The following EPHA7 variants were observed in gnomAD, a reference collection of about 807,000 sequenced individuals.
EPHA7 encodes ephrin type-A receptor 7.
EPHA7 carries 25 observed loss-of-function variants against 112.6 expected under a neutral mutation model. The ratio of observed to expected loss-of-function variants is 0.22; its 90% CI spans 0.16 to 0.31. The LOEUF is 0.31. Among genes scored for constraint, EPHA7 ranks in the 10% least tolerant of loss-of-function variants. EPHA7 has a pLI of 1.00. For missense variants in EPHA7, 962 were observed against 1,212.6 expected, an observed-to-expected ratio of 0.79 and a Z score of 3.07; for synonymous variants, 437 against 406.5, an observed-to-expected ratio of 1.07 and a Z score of -0.90.
intron 3 of EPHA7, among the ~76,000 whole-genome samples, chr6:93,361,889 C>G (rs569326414): frequency 6.6e-6 from 1 of 151,900 alleles, no homozygotes; most frequent in African/African-American, 2.4e-5. Flanking sequence ...AGTGACATTA[C>G]AAAATATAGC....
At chr6:93,246,408 A>T (rs1769952992) in intron 15 of EPHA7, among the ~76,000 whole-genome samples, 1 of 152,168 alleles carries the variant, frequency 6.6e-6, no homozygotes, top group Non-Finnish European at 1.5e-5. Context: ...CTTGAAGCAA[A>T]ACAGTTAAAT....
chr6:93,301,883 T>C (rs1772994985), intron 5 of EPHA7, among the ~76,000 whole-genome samples: 1 of 152,170 alleles, frequency 6.6e-6, no homozygotes. Flanking sequence ...TCTGCACCCA[T>C]AACAGTATAA....
intron 1 of EPHA7, among the ~76,000 whole-genome samples, chr6:93,416,923 C>T (rs1779263431): frequency 6.6e-6 from 1 of 152,098 alleles, no homozygotes; most frequent in African/African-American, 2.4e-5. Context: ...GCGCGCCAGC[C>T]GCGCCAAGCA....
rs141899845 is a variant in EPHA7, at chr6:93,416,617, G to T, written c.98-1850C>A. ...GATCCGTGCGTCTCTCTTCTGCTCG[G>T]TCCGCTCTCTGGTTAAACCCTCAAA... is the stretch of plus-strand genomic sequence containing the variant. On this transcript the variant is annotated intron_variant, in intron 1 of 16. Transcript: ENST00000369303. 7.3e-3 allele frequency among the ~76,000 whole-genome samples: 1,110 copies of T among 152,262 alleles called. 7 individuals carry two copies. Among genetic ancestry groups the T allele is most frequent in the South Asian group, 0.023 (109 of 4,824 alleles).
intron 16 of EPHA7, 126 bp from the exon 17 acceptor site, chr6:93,243,666 G>T: frequency 1.5e-6 from 1 of 664,460 alleles, no homozygotes; most frequent in Non-Finnish European, 2.7e-6. Flanking sequence ...GTGTTCTTGG[G>T]TATTATGATC....
chr6:93,301,105 A>G (rs1452303668), intron 5 of EPHA7, among the ~76,000 whole-genome samples: 2 of 152,202 alleles, frequency 1.3e-5, no homozygotes, highest in Non-Finnish European at 2.9e-5. Flanking sequence ...AAATGTCATT[A>G]TGTAGCATAT....
chr6:93,376,087 A>G (rs1201739084), intron 3 of EPHA7, among the ~76,000 whole-genome samples: 1 of 152,062 alleles, frequency 6.6e-6, no homozygotes. Context: ...GAGAGGGCAC[A>G]CTGCTATACT....
chr6:93,372,391 T>C (rs1490580343), intron 3 of EPHA7, among the ~76,000 whole-genome samples: 2 of 152,096 alleles, frequency 1.3e-5, no homozygotes, highest in Non-Finnish European at 2.9e-5. Context: ...TTTTTCAACA[T>C]GATTATTTTG....
intron 5 of EPHA7, among the ~76,000 whole-genome samples, chr6:93,335,179 T>C (rs192526136): frequency 1.3e-5 from 2 of 152,128 alleles, no homozygotes; most frequent in African/African-American, 4.8e-5. Context: ...GACCAGAATG[T>C]ATCCTTCAAT....
rs1188145627 is a variant in EPHA7, at chr6:93,252,810, A to T, written c.2532+1837T>A. On this transcript the variant is annotated intron_variant, in intron 14 of 16. Coordinates refer to ENST00000369303, the MANE Select transcript of EPHA7 (RefSeq NM_004440.4). Reference sequence around the variant, plus strand: ...ATTATTTTAGACCTCCTAAATAAAAAAATTAAAGAATGTGCCAAATATTTT... The same window carrying T: ...ATTATTTTAGACCTCCTAAATAAAATAATTAAAGAATGTGCCAAATATTTT... 2.0e-5 allele frequency among the ~76,000 whole-genome samples: 3 copies of T among 151,952 alleles called. No individual in the cohort carries two copies. The East Asian group carries it at 5.8e-4, about 29-fold the overall frequency.
intron 5 of EPHA7, among the ~76,000 whole-genome samples, chr6:93,337,210 A>G (rs1774921833): frequency 6.6e-6 from 1 of 152,212 alleles, no homozygotes; most frequent in Admixed American, 6.5e-5. Context: ...CCACAAGGAT[A>G]AGGTTGCTCA....
intron 5 of EPHA7, among the ~76,000 whole-genome samples, chr6:93,296,395 T>A (rs1010341759): frequency 1.3e-5 from 2 of 149,084 alleles, no homozygotes; most frequent in East Asian, 3.9e-4. Flanking sequence ...TAACTATCTG[T>A]TGGTGACTGG....
Position 93,346,950 on chromosome 6 carries a change from G to T in EPHA7, c.1324+9767C>A, listed in dbSNP as rs145373759. On this transcript the variant is annotated intron_variant, in intron 5 of 16. Coordinates refer to ENST00000369303, the MANE Select transcript of EPHA7 (RefSeq NM_004440.4). ...CTTACAATGTCTACTACATAAACTC[G>T]CAATTGCAAAATAAACGATCTTCTA... Among the ~76,000 whole-genome samples the T allele has an allele frequency of 1.9e-4, 29 of 151,668 alleles. No homozygotes were observed. In the East Asian group the frequency reaches 4.9e-3, roughly 25 times the overall value.
intron 16 of EPHA7, among the ~76,000 whole-genome samples, chr6:93,243,766 A>G (rs1279639684): frequency 6.6e-6 from 1 of 152,118 alleles, no homozygotes; most frequent in African/African-American, 2.4e-5. Context: ...TTTACTCTCA[A>G]TTCACTTTTA....
chr6:93,265,374 T>C (rs1770883234), intron 7 of EPHA7, among the ~76,000 whole-genome samples: 1 of 151,692 alleles, frequency 6.6e-6, no homozygotes, highest in Admixed American at 6.6e-5. Flanking sequence ...ATTACCTAAC[T>C]GCAAACCCTT....
intron 5 of EPHA7, among the ~76,000 whole-genome samples, chr6:93,284,913 T>C (rs970062433): frequency 6.6e-6 from 1 of 151,972 alleles, no homozygotes; most frequent in African/African-American, 2.4e-5. Flanking sequence ...GGTTGATGGG[T>C]GCAGCAAACC....
chr6:93,352,585 G>T (rs1775747748), intron 5 of EPHA7, among the ~76,000 whole-genome samples: 2 of 151,988 alleles, frequency 1.3e-5, no homozygotes, highest in Non-Finnish European at 2.9e-5. Context: ...ATAATAAAGT[G>T]TTCTATTGTT....
chr6:93,295,241 A>C (rs555657577), intron 5 of EPHA7, among the ~76,000 whole-genome samples: 1 of 152,182 alleles, frequency 6.6e-6, no homozygotes, highest in East Asian at 1.9e-4. Flanking sequence ...TCTGCAGTTC[A>C]ACCAGCCGTT....
chr6:93,357,932 T>A (rs1361066149), intron 4 of EPHA7, among the ~76,000 whole-genome samples: 1 of 152,134 alleles, frequency 6.6e-6, no homozygotes, highest in East Asian at 1.9e-4. Context: ...AGTGCTGGGA[T>A]TACAGGCATG....
Sources: allele counts gnomAD v4.1 joint callset (sites outside exome capture counted in the v4.1 genomes callset), GRCh38; gene constraint gnomAD v4.1.1; transcripts MANE v1.5; gene names NCBI Gene and HGNC (gene_info 2026-07-23, HGNC 2026-07-21).